PDE11A: variants seen among roughly 807,000 people sequenced by gnomAD.
The protein encoded by PDE11A is phosphodiesterase 11A.
PDE11A carries 100 observed loss-of-function variants against 100.5 expected under a neutral mutation model. The observed-to-expected ratio is 1.00, with a 90% confidence interval of 0.85 to 1.18. The LOEUF (loss-of-function observed/expected upper bound fraction) is 1.18, where lower values mean the gene tolerates loss of function less well. Among genes scored for constraint, PDE11A ranks in the 50% most tolerant of loss-of-function variants. The probability of loss-of-function intolerance (pLI) is 0.00; values close to 1 mark genes in which losing one functional copy is unlikely to be tolerated. For missense variants in PDE11A, 1,141 were observed against 1,152.6 expected (o/e 0.99, Z 0.15); for synonymous variants, 381 against 420.8 (o/e 0.91, Z 1.16).
chr2:177,728,145 G>C lies in PDE11A; in HGVS notation c.1816C>G (p.Leu606Val). ...TCAAAATGAATGTCATCGATGGCAA[G>C]TTCTGACACCAGAGGGATGTTGGCT... ...KAANIPLVSELAIDDIHFDDF... is the reference protein window; with the variant it reads ...KAANIPLVSEVAIDDIHFDDF... The change falls in exon 11 of 20, where the codon CTT (leucine) becomes GTT (valine). Residue 606 changes from leucine (L) to valine (V), a missense_variant. Leu to Val is a conservative substitution (Grantham distance 32). Transcript: ENST00000286063. 3 of 1,613,232 alleles carry C rather than the reference G, an allele frequency of 1.9e-6. No individual in the cohort carries two copies. The highest frequency in any genetic ancestry group is 2.2e-5 in the South Asian group (2 of 91,056).
chr2:177,717,221 T>G (rs1352824601), intron 12 of PDE11A, among the ~76,000 whole-genome samples: 1 of 152,154 alleles, frequency 6.6e-6, no homozygotes, highest in Non-Finnish European at 1.5e-5. Context: ...TGACTGTGAT[T>G]TAAAGCTGCC....
At chr2:177,831,468 A>G (rs1488789247) in intron 6 of PDE11A, among the ~76,000 whole-genome samples, 2 of 152,246 alleles carry the variant, frequency 1.3e-5, no homozygotes, top group Admixed American at 6.5e-5. Flanking sequence ...GTATGCCTAA[A>G]GCAAAGCTTG....
intron 4 of PDE11A, among the ~76,000 whole-genome samples, chr2:177,884,745 T>C (rs989846180): frequency 9.2e-5 from 14 of 152,158 alleles, no homozygotes; most frequent in African/African-American, 3.4e-4. Context: ...GAGTGCCCTC[T>C]TTGCAAGCAA....
At chr2:177,632,628 C>T (rs1427575119) in intron 19 of PDE11A, among the ~76,000 whole-genome samples, 2 of 152,150 alleles carry the variant, frequency 1.3e-5, no homozygotes, top group Non-Finnish European at 2.9e-5. Flanking sequence ...GTCTTACTTC[C>T]TTGTACTCTC....
At chr2:177,908,193 T>C (rs1029590080) in intron 2 of PDE11A, among the ~76,000 whole-genome samples, 9 of 152,326 alleles carry the variant, frequency 5.9e-5, no homozygotes, top group Admixed American at 2.0e-4. Flanking sequence ...TTAACTGCAA[T>C]GCAAGATAGA....
At chr2:177,948,361 A>T (rs1372475294) in intron 2 of PDE11A, among the ~76,000 whole-genome samples, 1 of 152,136 alleles carries the variant, frequency 6.6e-6, no homozygotes, top group Non-Finnish European at 1.5e-5. Context: ...ATCTTAATAT[A>T]CCTGTCGAAT....
At chr2:177,702,340 G>A (rs1399833825) in intron 13 of PDE11A, 2 of 151,012 alleles carry the variant, frequency 1.3e-5, no homozygotes, top group African/African-American at 4.9e-5. Context: ...GTTCAAAAAG[G>A]TTCGTGTCCA....
chr2:177,888,781 A>G (rs1045191285), intron 4 of PDE11A: 1 of 283,688 alleles, frequency 3.5e-6, no homozygotes, highest in Admixed American at 6.5e-5. Context: ...GAAAAGGGAT[A>G]TATTTCCCAA....
Position 177,766,387 on chromosome 2 carries a change from T to C in PDE11A, c.1788+2936A>G, listed in dbSNP as rs1574120231. ...TGTGGCCTGGTACCAGTCCATGGGC[T>C]GGGTTAAGGACCCCTTCTTTAACTC... On this transcript the variant is annotated intron_variant, in intron 10 of 19. Coordinates refer to ENST00000286063, the MANE Select transcript of PDE11A (RefSeq NM_016953.4). Among the ~76,000 whole-genome samples the C allele has an allele frequency of 6.6e-5, 10 of 152,306 alleles. No individual in the cohort carries two copies. In the South Asian group the frequency reaches 1.9e-3, roughly 28 times the overall value.
At chr2:177,646,633 A>C (rs765590416) in intron 19 of PDE11A, among the ~76,000 whole-genome samples, 1 of 152,202 alleles carries the variant, frequency 6.6e-6, no homozygotes, top group Non-Finnish European at 1.5e-5. Flanking sequence ...CACTAGTAAC[A>C]ATGGGTATCT....
chr2:177,859,884 A>T (rs966130975), intron 5 of PDE11A, among the ~76,000 whole-genome samples: 1 of 152,004 alleles, frequency 6.6e-6, no homozygotes, highest in African/African-American at 2.4e-5. Context: ...AGAAGAAATC[A>T]AAGGGAAATT....
intron 2 of PDE11A, among the ~76,000 whole-genome samples, chr2:177,992,025 A>G (rs2086011007): frequency 6.6e-6 from 1 of 151,308 alleles, no homozygotes; most frequent in Non-Finnish European, 1.5e-5. Flanking sequence ...AGTACCTGAT[A>G]ACCTCTTAGA....
At chr2:177,770,320 A>G (rs2082294608) in intron 9 of PDE11A, among the ~76,000 whole-genome samples, 1 of 152,240 alleles carries the variant, frequency 6.6e-6, no homozygotes, top group African/African-American at 2.4e-5. Context: ...GCCCCCAAAT[A>G]AAGAAGATAT....
At chr2:177,788,642 CA>C (rs1217479195) in intron 9 of PDE11A, among the ~76,000 whole-genome samples, 27 of 151,122 alleles carry the variant, frequency 1.8e-4, no homozygotes, top group Non-Finnish European at 3.4e-4. Flanking sequence ...AGACTGCTAG[CA>C]AGACTAATAA....
intron 10 of PDE11A, among the ~76,000 whole-genome samples, chr2:177,742,842 G>A (rs78808511): frequency 0.01 from 1,577 of 152,348 alleles, 31 homozygotes; most frequent in African/African-American, 0.035. Flanking sequence ...CCAAAGGTCA[G>A]TAGAGGTAAT....
Position 177,840,263 on chromosome 2 carries a change from G to T in PDE11A, c.1488C>A (p.Arg496=), listed in dbSNP as rs2083469166. The change falls in exon 6 of 20, where the codon CGC becomes CGA. Residue 496 remains arginine, a synonymous_variant. Transcript: ENST00000286063. ...GGGCTCCTCTTACCTCTGCATCAAA[G>T]CGCGGATCCTGGTAGGCATCACTGA... The part of the protein sequence containing the change: ...VNISDAYQDP[R]FDAEADQISG... 2.5e-6 allele frequency: 4 copies of T among 1,614,096 alleles called. No homozygotes were observed. Among genetic ancestry groups the T allele is most frequent in the Non-Finnish European group, 3.4e-6 (4 of 1,179,988 alleles).
intron 2 of PDE11A, among the ~76,000 whole-genome samples, chr2:178,102,162 T>C (rs561690382): frequency 3.9e-5 from 6 of 152,110 alleles, no homozygotes; most frequent in Admixed American, 3.9e-4. Flanking sequence ...AGTCTTGCTC[T>C]GTTGCCCCAG....
intron 4 of PDE11A, among the ~76,000 whole-genome samples, chr2:177,879,084 C>T (rs2084288318): frequency 6.6e-6 from 1 of 152,000 alleles, no homozygotes; most frequent in African/African-American, 2.4e-5. Flanking sequence ...TTCATTTGGC[C>T]TACTTCTTAC....
At chr2:177,830,412 C>A (rs2083290776) in intron 6 of PDE11A, among the ~76,000 whole-genome samples, 1 of 151,940 alleles carries the variant, frequency 6.6e-6, no homozygotes, top group African/African-American at 2.4e-5. Flanking sequence ...CCAGCCTGGC[C>A]AACATGGTGA....
Sources: gnomAD v4.1 joint callset for allele counts (sites outside exome capture counted in the v4.1 genomes callset) on GRCh38, gnomAD v4.1.1 for gene constraint, MANE v1.5 for transcripts, NCBI Gene and HGNC (gene_info 2026-07-23, HGNC 2026-07-21) for gene names.